ARHGAP6: variants seen among roughly 807,000 people sequenced by gnomAD.
The protein encoded by ARHGAP6 is rho GTPase-activating protein 6.
In ARHGAP6, 16 loss-of-function variants were observed where a neutral mutation model predicts 55.7. The observed-to-expected ratio is 0.29, with a 90% CI of 0.19 to 0.44. ARHGAP6 has a LOEUF of 0.44. Among genes scored for constraint, ARHGAP6 ranks in the 20% least tolerant of loss-of-function variants. The probability of loss-of-function intolerance (pLI) is 1.00; values close to 1 mark genes in which losing one functional copy is unlikely to be tolerated. For missense variants in ARHGAP6, 698 were observed against 808.9 expected, an observed-to-expected ratio of 0.86 and a Z score of 1.66; for synonymous variants, 382 against 360.9, an observed-to-expected ratio of 1.06 and a Z score of -0.66.
intron 1 of ARHGAP6, among the ~76,000 whole-genome samples, chrX:11,396,143 T>C (rs1413904387): frequency 1.8e-5 from 2 of 111,255 alleles, no homozygotes; most frequent in African/African-American, 3.3e-5. Flanking sequence ...GGAGAGTATA[T>C]GTGATATTAA....
At chrX:11,277,454 G>C (rs2047789840) in intron 1 of ARHGAP6, among the ~76,000 whole-genome samples, 2 of 111,143 alleles carry the variant, frequency 1.8e-5, no homozygotes, top group Admixed American at 9.6e-5. Flanking sequence ...AAAAAACGTA[G>C]ACAACATGAC....
chrX:11,456,452 G>A (rs988525640), intron 1 of ARHGAP6, among the ~76,000 whole-genome samples: 2 of 111,996 alleles, frequency 1.8e-5, no homozygotes, highest in African/African-American at 6.5e-5. Flanking sequence ...TGTGACAAGG[G>A]TGAAAGAACA....
intron 1 of ARHGAP6, among the ~76,000 whole-genome samples, chrX:11,640,017 CAT>C (rs1265605146): frequency 2.7e-5 from 3 of 111,698 alleles, no homozygotes; most frequent in Non-Finnish European, 5.7e-5. Flanking sequence ...AAAAAAAGTA[CAT>C]GTTTAGATGA....
chrX:11,250,388 T>C (rs1217531243), intron 2 of ARHGAP6, among the ~76,000 whole-genome samples: 1 of 112,198 alleles, frequency 8.9e-6, no homozygotes, highest in Non-Finnish European at 1.9e-5. Flanking sequence ...TTCCTTTGGA[T>C]ACTGTATTAG....
chrX:11,467,118 A>G (rs1161707250), intron 1 of ARHGAP6, among the ~76,000 whole-genome samples: 1 of 111,508 alleles, frequency 9.0e-6, no homozygotes, highest in East Asian at 2.8e-4. Context: ...CCATGGTAAC[A>G]AGTTGAATGG....
intron 12 of ARHGAP6, 149 bp from the exon 13 acceptor site, chrX:11,139,679 C>T: frequency 1.7e-6 from 1 of 579,693 alleles, no homozygotes; most frequent in Non-Finnish European, 2.5e-6. Context: ...GCTGCTGCTA[C>T]CTGAAGAAAA....
intron 2 of ARHGAP6, among the ~76,000 whole-genome samples, chrX:11,243,857 C>A (rs2047318517): frequency 8.9e-6 from 1 of 112,293 alleles, no homozygotes; most frequent in Admixed American, 9.4e-5. Context: ...AGTACAGGAA[C>A]ATGCTGTATA....
intron 1 of ARHGAP6, among the ~76,000 whole-genome samples, chrX:11,360,863 A>G (rs1034908776): frequency 1.8e-5 from 2 of 111,053 alleles, no homozygotes; most frequent in Non-Finnish European, 3.8e-5. Context: ...TACACCAATA[A>G]CAGAGAGAGA....
At chrX:11,330,572 A>C (rs902989131) in intron 1 of ARHGAP6, among the ~76,000 whole-genome samples, 1 of 111,024 alleles carries the variant, frequency 9.0e-6, no homozygotes, top group African/African-American at 3.3e-5. Context: ...AGATAAACAC[A>C]ATCTTTTACA....
At chrX:11,528,629 G>A (rs2051015977) in intron 1 of ARHGAP6, among the ~76,000 whole-genome samples, 1 of 111,935 alleles carries the variant, frequency 8.9e-6, no homozygotes, top group Non-Finnish European at 1.9e-5. Flanking sequence ...TGGACAATGA[G>A]GTTGTAAATT....
chrX:11,626,910 T>A (rs1021240120), intron 1 of ARHGAP6, among the ~76,000 whole-genome samples: 1 of 111,716 alleles, frequency 9.0e-6, no homozygotes, highest in Admixed American at 9.5e-5. Context: ...AAAAATATGA[T>A]GATATTCCAA....
intron 10 of ARHGAP6, among the ~76,000 whole-genome samples, chrX:11,147,204 A>C (rs5934963): frequency 0.21 from 23,470 of 109,994 alleles, 2,236 homozygotes; most frequent in African/African-American, 0.3. Context: ...TCAACATATG[A>C]ACACATACAT....
Position 11,664,995 on chromosome X carries a change from C to T in ARHGAP6, c.-167G>A. The T allele has an allele frequency of 2.3e-6, 1 of 436,823 alleles. No homozygotes were observed. Among genetic ancestry groups the T allele is most frequent in the Non-Finnish European group, 3.7e-6 (1 of 269,360 alleles). 36.0% of individuals were successfully genotyped at this position (436,823 alleles called of 1,213,427 possible). A position where few individuals can be genotyped will look rare whatever the true frequency, so the allele number is the denominator to read the frequency against. The stretch of plus-strand genomic sequence containing the variant: ...CCAGCTCACGCGCCGCCGGTGCGCT[C>T]CAAGTGCCCCGGCGGCGGCAGGAGC... On this transcript the variant is annotated 5_prime_UTR_variant, in exon 1 of 13. Transcript: ENST00000337414.
intron 1 of ARHGAP6, among the ~76,000 whole-genome samples, chrX:11,374,417 G>A (rs1292202520): frequency 8.9e-6 from 1 of 111,739 alleles, no homozygotes; most frequent in Non-Finnish European, 1.9e-5. Flanking sequence ...ACTGGGACAG[G>A]GCAGATATTA....
At chrX:11,590,686 G>A (rs993489721) in intron 1 of ARHGAP6, among the ~76,000 whole-genome samples, 1 of 104,268 alleles carries the variant, frequency 9.6e-6, no homozygotes, top group Non-Finnish European at 1.9e-5. Flanking sequence ...TTGGAAGACT[G>A]AGGCATGAGA....
chrX:11,365,426 C>A (rs968036983), intron 1 of ARHGAP6, among the ~76,000 whole-genome samples: 1 of 112,277 alleles, frequency 8.9e-6, no homozygotes, highest in Non-Finnish European at 1.9e-5. Flanking sequence ...TAAAGACAGT[C>A]ATTTCTCCCT....
chrX:11,565,560 G>T (rs1035549838), intron 1 of ARHGAP6, among the ~76,000 whole-genome samples: 1 of 112,540 alleles, frequency 8.9e-6, no homozygotes, highest in Non-Finnish European at 1.9e-5. Flanking sequence ...CAGATGAACA[G>T]CCTTGGGCCA....
intron 1 of ARHGAP6, among the ~76,000 whole-genome samples, chrX:11,347,239 A>G (rs1363551444): frequency 8.9e-6 from 1 of 112,453 alleles, no homozygotes; most frequent in Admixed American, 9.4e-5. Flanking sequence ...TCCTTACAAA[A>G]TAATTACTTC....
intron 1 of ARHGAP6, among the ~76,000 whole-genome samples, chrX:11,371,368 T>G (rs745601691): frequency 1.1e-4 from 12 of 112,138 alleles, no homozygotes; most frequent in Non-Finnish European, 1.9e-4. Context: ...TGACTGTTTT[T>G]GTACTCAAAT....
Sources: gnomAD v4.1 joint callset for allele counts (sites outside exome capture counted in the v4.1 genomes callset) on GRCh38, gnomAD v4.1.1 for gene constraint, MANE v1.5 for transcripts, NCBI Gene and HGNC (gene_info 2026-07-23, HGNC 2026-07-21) for gene names.